GOLGA8B: variants seen among roughly 807,000 people sequenced by gnomAD.
GOLGA8B encodes golgin A8 family member B.
GOLGA8B carries 1 observed loss-of-function variant against 15.6 expected under a neutral mutation model. That is an observed-to-expected ratio of 0.06 (90% CI 0.02 to 0.30). GOLGA8B has a LOEUF of 0.30. Among genes scored for constraint, GOLGA8B ranks in the 10% least tolerant of loss-of-function variants. GOLGA8B has a pLI of 1.00. For synonymous variants in GOLGA8B, 9 were observed against 80.3 expected (o/e 0.11, Z 4.75); for missense variants, 17 against 201.3 (o/e 0.08, Z 5.54).
chr15:34,573,327 A>G (rs1888973329), intron 1 of GOLGA8B, among the ~76,000 whole-genome samples: 1 of 152,182 alleles, frequency 6.6e-6, no homozygotes, highest in African/African-American at 2.4e-5. Flanking sequence ...TCATGAGATC[A>G]GGAGATCAAG....
At chr15:34,567,340 C>T (rs1207302569) in intron 1 of GOLGA8B, among the ~76,000 whole-genome samples, 5 of 149,622 alleles carry the variant, frequency 3.3e-5, no homozygotes, top group Non-Finnish European at 7.4e-5. Context: ...CATGGGCCCT[C>T]GAGATCACAC....
At chr15:34,569,839 G>T (rs2453698) in intron 1 of GOLGA8B, among the ~76,000 whole-genome samples, 4 of 148,702 alleles carry the variant, frequency 2.7e-5, no homozygotes, top group African/African-American at 4.9e-5. Flanking sequence ...CCAAGGTCAA[G>T]GCTAGAACAT....
intron 4 of GOLGA8B, among the ~76,000 whole-genome samples, chr15:34,550,919 C>T (rs867331244): frequency 5.4e-4 from 51 of 93,848 alleles, no homozygotes; most frequent in South Asian, 1.8e-3. Context: ...CACTGGAGCC[C>T]AGGAGATCAA....
chr15:34,564,904 C>A (rs1434712696), intron 1 of GOLGA8B, among the ~76,000 whole-genome samples: 1 of 144,082 alleles, frequency 6.9e-6, no homozygotes, highest in Non-Finnish European at 1.6e-5. Context: ...GGCACAAACA[C>A]ATGGCACATT....
At chr15:34,567,871 T>C (rs200255132) in intron 1 of GOLGA8B, among the ~76,000 whole-genome samples, 5,710 of 137,672 alleles carry the variant, frequency 0.041, 2 homozygotes, top group South Asian at 0.12. Flanking sequence ...CAGGGGTCCA[T>C]GACAAAGCTA....
Position 34,543,209 on chromosome 15 carries a change from T to C in GOLGA8B, c.-382+1649A>G, listed in dbSNP as rs568278529. ...TATTTCATTTTATTCTGAGACAGAGTCTCACTCTGTCACCCAGGCTGGACT... is the reference window on the plus strand; with the variant it reads ...TATTTCATTTTATTCTGAGACAGAGCCTCACTCTGTCACCCAGGCTGGACT... On this transcript the variant is annotated intron_variant, in intron 7 of 23. Coordinates refer to ENST00000683415, the MANE Select transcript of GOLGA8B (RefSeq NM_001023567.5). 1.3e-4 allele frequency among the ~76,000 whole-genome samples: 14 copies of C among 110,496 alleles called. No homozygotes were observed. In the East Asian group the frequency reaches 4.1e-3, roughly 32 times the overall value. The allele number at this position is 110,496 out of a possible 152,430, so 72.5% of individuals were successfully genotyped here.
intron 1 of GOLGA8B, among the ~76,000 whole-genome samples, chr15:34,572,166 G>A (rs1463316776): frequency 1.3e-5 from 2 of 152,140 alleles, no homozygotes; most frequent in Non-Finnish European, 2.9e-5. Flanking sequence ...AGAGAGTGTC[G>A]ATGTCCAGAG....
intron 1 of GOLGA8B, among the ~76,000 whole-genome samples, chr15:34,567,506 G>A (rs1888796953): frequency 6.6e-6 from 1 of 151,738 alleles, no homozygotes; most frequent in Non-Finnish European, 1.5e-5. Context: ...AAGAAAATCG[G>A]CTATTGTGAG....
chr15:34,569,800 C>A (rs1020029275), intron 1 of GOLGA8B, among the ~76,000 whole-genome samples: 2 of 150,862 alleles, frequency 1.3e-5, no homozygotes. Context: ...GAACTCACAG[C>A]AACTGGCAGC....
At chr15:34,571,634 A>T in intron 1 of GOLGA8B, among the ~76,000 whole-genome samples, 1 of 148,470 alleles carries the variant, frequency 6.7e-6, no homozygotes, top group Non-Finnish European at 1.5e-5. Flanking sequence ...AAAAAACTAC[A>T]TCCACAAATC....
At chr15:34,574,714 G>A (rs182788477) in intron 1 of GOLGA8B, 5 of 152,556 alleles carry the variant, frequency 3.3e-5, no homozygotes, top group African/African-American at 1.2e-4. Flanking sequence ...CAGCAGACAG[G>A]GATAATGAAG....
At chr15:34,578,608 A>C (rs1429839204) in intron 1 of GOLGA8B, among the ~76,000 whole-genome samples, 1 of 152,250 alleles carries the variant, frequency 6.6e-6, no homozygotes, top group Non-Finnish European at 1.5e-5. Context: ...CTCGTCGCGA[A>C]GTTAAGACAA....
At position 34,549,810 on chromosome 15, in the gene GOLGA8B, TG is replaced by T. The variant is rs1411709436; in HGVS notation, c.-575+1327del. 4.0e-5 allele frequency among the ~76,000 whole-genome samples: 4 copies of T among 100,302 alleles called. 1 individual carries two copies. In the East Asian group the frequency reaches 9.6e-4, roughly 24 times the overall value. The allele number at this position is 100,302 out of a possible 152,430, so 65.8% of individuals were successfully genotyped here. On this transcript the variant is annotated intron_variant, in intron 4 of 23. Transcript: ENST00000683415. Reference sequence around the variant, plus strand: ...GAGCACCTATTTCACACAGCGGCTATGAAGACTAAATGAGCGCATCTATAAA... The same window carrying T: ...GAGCACCTATTTCACACAGCGGCTATAAGACTAAATGAGCGCATCTATAAA...
At chr15:34,566,920 C>A (rs1888778607) in intron 1 of GOLGA8B, among the ~76,000 whole-genome samples, 1 of 118,550 alleles carries the variant, frequency 8.4e-6, no homozygotes, top group South Asian at 2.7e-4. Context: ...GAAAACACAC[C>A]ATCGGCGGCC....
intron 1 of GOLGA8B, among the ~76,000 whole-genome samples, chr15:34,563,027 AAAAT>A (rs1159025402): frequency 1.6e-5 from 1 of 63,718 alleles, no homozygotes; most frequent in African/African-American, 4.6e-5. Context: ...ATTGTCTCAA[AAAAT>A]AAATAAATAA....
In GOLGA8B at chr15:34,526,569, G is replaced by C. The variant is rs1388235316; in HGVS notation, c.*1063C>G. The C allele has an allele frequency of 6.7e-6, 1 of 148,722 alleles. No homozygotes were observed. Among genetic ancestry groups the C allele is most frequent in the Non-Finnish European group, 1.5e-5 (1 of 67,126 alleles). The allele number at this position is 148,722 out of a possible 1,614,324, so 9.2% of individuals were successfully genotyped here. A position where few individuals can be genotyped will look rare whatever the true frequency, so the allele number is the denominator to read the frequency against. ...CTTCACTCTAATTCATTCTTGACTA[G>C]AGCCTGTATGCCTGTTTCAGAGACA... On this transcript the variant is annotated 3_prime_UTR_variant, in exon 24 of 24. Coordinates refer to ENST00000683415, the MANE Select transcript of GOLGA8B (RefSeq NM_001023567.5).
chr15:34,526,788 A>C lies in GOLGA8B; in HGVS notation c.*844T>G, dbSNP rs1489678350. 1 of 149,542 alleles carries C rather than the reference A, an allele frequency of 6.7e-6. No individual in the cohort carries two copies. The highest frequency in any genetic ancestry group is 1.5e-5 in the Non-Finnish European group (1 of 67,322). The allele number at this position is 149,542 out of a possible 1,614,324, so 9.3% of individuals were successfully genotyped here. A position where few individuals can be genotyped will look rare whatever the true frequency, so the allele number is the denominator to read the frequency against. ...TTCCACATCCACAGCCAACGATGGC[A>C]GCCTTTCATTCCTCGGAAATAAGCC... is the stretch of plus-strand genomic sequence containing the variant. On this transcript the variant is annotated 3_prime_UTR_variant, in exon 24 of 24. Coordinates refer to ENST00000683415, the MANE Select transcript of GOLGA8B (RefSeq NM_001023567.5).
chr15:34,564,919 G>A (rs1373419576), intron 1 of GOLGA8B, among the ~76,000 whole-genome samples: 5 of 143,892 alleles, frequency 3.5e-5, no homozygotes, highest in African/African-American at 1.2e-4. Context: ...CACATTTGTG[G>A]TTAAGAAACG....
At chr15:34,577,827 GA>G (rs1307049302) in intron 1 of GOLGA8B, among the ~76,000 whole-genome samples, 3 of 152,156 alleles carry the variant, frequency 2.0e-5, no homozygotes, top group Non-Finnish European at 4.4e-5. Flanking sequence ...TCTATGAATG[GA>G]CCTTCCATGA....
Sources: gnomAD v4.1 joint callset for allele counts (sites outside exome capture counted in the v4.1 genomes callset) on GRCh38, gnomAD v4.1.1 for gene constraint, MANE v1.5 for transcripts, NCBI Gene and HGNC (gene_info 2026-07-23, HGNC 2026-07-21) for gene names.